Variants in RBM25 observed in about 807,000 individuals in gnomAD.
The protein encoded by RBM25 is RNA binding motif protein 25, also known as RNA-binding protein 25.
Under a neutral mutation model 120.7 loss-of-function variants are expected in RBM25, and 19 were observed. The observed-to-expected ratio is 0.16, with a 90% CI of 0.11 to 0.23. The LOEUF is 0.23. Ranked by LOEUF, RBM25 falls within the 10% of genes least tolerant of loss-of-function variation. RBM25 has a pLI of 1.00. For synonymous variants in RBM25, 390 were observed against 326.7 expected (o/e 1.19, Z -2.09); for missense variants, 605 against 1,041.5 (o/e 0.58, Z 5.77).
intron 14 of RBM25, among the ~76,000 whole-genome samples, chr14:73,110,215 C>T (rs1896281194): frequency 6.6e-6 from 1 of 150,610 alleles, no homozygotes; most frequent in African/African-American, 2.5e-5. Flanking sequence ...CAGAGTCTGG[C>T]TTTGTTGCCC....
chr14:73,076,141 T>C (rs1387591901), intron 2 of RBM25, among the ~76,000 whole-genome samples, 178 bp from the exon 3 acceptor site: 1 of 152,228 alleles, frequency 6.6e-6, no homozygotes, highest in South Asian at 2.1e-4. Flanking sequence ...TGTAAGTTTA[T>C]ATGGACCAAC....
intron 1 of RBM25, among the ~76,000 whole-genome samples, chr14:73,062,667 A>T (rs1285172410): frequency 6.6e-6 from 1 of 151,508 alleles, no homozygotes; most frequent in Non-Finnish European, 1.5e-5. Flanking sequence ...TACTAGAGAT[A>T]TGTCTTCAGG....
At position 73,112,000 on chromosome 14, in the gene RBM25, T is replaced by G. The variant is rs569243731; in HGVS notation, c.2293-152T>G. The G allele has an allele frequency of 3.0e-6, 3 of 994,816 alleles. No homozygotes were observed. In the South Asian group the frequency reaches 4.8e-5, roughly 16 times the overall value. The allele number at this position is 994,816 out of a possible 1,614,324, so 61.6% of individuals were successfully genotyped here. A position where few individuals can be genotyped will look rare whatever the true frequency, so the allele number is the denominator to read the frequency against. On this transcript the variant is annotated intron_variant, in intron 16 of 18. Transcript: ENST00000261973. The stretch of plus-strand genomic sequence containing the variant: ...TTTTTTGTGCTACTTGAAGACTTAC[T>G]AAAAGCAGATGATTGTATCTTGATA...
rs926995476 is a variant in RBM25 at position 73,120,381 on chromosome 14, G to T, written c.*576G>T. 1.3e-5 allele frequency: 2 copies of T among 152,674 alleles called. No individual in the cohort carries two copies. Among genetic ancestry groups the T allele is most frequent in the Non-Finnish European group, 2.9e-5 (2 of 68,092 alleles). The allele number at this position is 152,674 out of a possible 1,614,324, so 9.5% of individuals were successfully genotyped here. A position where few individuals can be genotyped will look rare whatever the true frequency, so the allele number is the denominator to read the frequency against. Reference sequence around the variant, plus strand: ...TCTTTCTTTTCCCTAATTTGCTTTGGTGGGGTCCTTAAAACATTTCCCAAC... The same window carrying T: ...TCTTTCTTTTCCCTAATTTGCTTTGTTGGGGTCCTTAAAACATTTCCCAAC... On this transcript the variant is annotated 3_prime_UTR_variant, in exon 19 of 19. Transcript: ENST00000261973.
chr14:73,098,183 A>G (rs1895988821), intron 7 of RBM25, among the ~76,000 whole-genome samples: 1 of 152,212 alleles, frequency 6.6e-6, no homozygotes, highest in Non-Finnish European at 1.5e-5. Context: ...AGACTGGAGG[A>G]TGGTGGCGCA....
rs755689806 is a variant in RBM25, at chr14:73,111,616, C to T, written c.2106C>T (p.Asp702=). The change falls in exon 16 of 19, where the codon GAC becomes GAT. Residue 702 remains aspartate (D), a synonymous_variant. Coordinates refer to ENST00000261973, the MANE Select transcript of RBM25 (RefSeq NM_021239.3). The part of the protein sequence containing the change: ...DSVFNKFEDE[D]SDDVPRKRKL... ...TCTTTAACAAATTTGAGGATGAAGACAGTGATGACGTACCCCGAAAAAGGA... is the reference window on the plus strand; with the variant it reads ...TCTTTAACAAATTTGAGGATGAAGATAGTGATGACGTACCCCGAAAAAGGA... 6.8e-6 allele frequency: 11 copies of T among 1,613,970 alleles called. No homozygotes were observed. The highest frequency in any genetic ancestry group is 7.6e-6 in the Non-Finnish European group (9 of 1,180,020).
At chr14:73,095,950 A>T (rs1428834105) in intron 6 of RBM25, among the ~76,000 whole-genome samples, 1 of 152,172 alleles carries the variant, frequency 6.6e-6, no homozygotes, top group East Asian at 1.9e-4. Flanking sequence ...TTCCCCACAT[A>T]GAGGGAATAA....
intron 1 of RBM25, among the ~76,000 whole-genome samples, chr14:73,068,989 C>G (rs562182377): frequency 6.6e-6 from 1 of 152,124 alleles, no homozygotes; most frequent in Non-Finnish European, 1.5e-5. Context: ...GTGCAAACTC[C>G]GCACCCTGGG....
chr14:73,111,841 A>T, intron 16 of RBM25, 39 bp downstream of exon 16: 4 of 1,530,306 alleles, frequency 2.6e-6, no homozygotes, highest in Non-Finnish European at 3.5e-6. Flanking sequence ...TATTGGGAAC[A>T]GTTGGAATAT....
rs565156726 is a variant in RBM25, at chr14:73,096,701, TAAGAAA to T, written c.544-206_544-201del. Among the ~76,000 whole-genome samples, 33 of 152,278 alleles carry T rather than the reference TAAGAAA, an allele frequency of 2.2e-4. No individual in the cohort carries two copies. In the East Asian group the frequency reaches 5.6e-3, roughly 26 times the overall value. On this transcript the variant is annotated intron_variant, in intron 6 of 18. Coordinates refer to ENST00000261973, the MANE Select transcript of RBM25 (RefSeq NM_021239.3). ...TTAGGGACCAGAATTTTTTAGCTAT[TAAGAAA>T]AAGAAAATGAAAATGAAGTAGTATC... is the stretch of plus-strand genomic sequence containing the variant.
At chr14:73,111,874 A>T in intron 16 of RBM25, 72 bp downstream of exon 16, 1 of 1,463,460 alleles carries the variant, frequency 6.8e-7, no homozygotes, top group East Asian at 2.3e-5. Flanking sequence ...CATTTGAAGA[A>T]AAAAAAACCT....
At chr14:73,087,811 T>G (rs1278085632) in intron 5 of RBM25, among the ~76,000 whole-genome samples, 190 bp from the exon 6 acceptor site, 2 of 152,230 alleles carry the variant, frequency 1.3e-5, no homozygotes, top group Non-Finnish European at 2.9e-5. Flanking sequence ...TTCCCTTTTT[T>G]TCCCCTTTGG....
At position 73,065,450 on chromosome 14, in the gene RBM25, G is replaced by A. The variant is rs1338700866; in HGVS notation, c.-15-6177G>A. The stretch of plus-strand genomic sequence containing the variant: ...GCTAATTTTTTTTTTTTTTGAAACT[G>A]AGTCTTGCTCTGTCGCCAAGGTGGA... On this transcript the variant is annotated intron_variant, in intron 1 of 18. Transcript: ENST00000261973. Among the ~76,000 whole-genome samples the A allele has an allele frequency of 2.8e-5, 4 of 140,406 alleles. No individual in the cohort carries two copies. The South Asian group carries it at 9.1e-4, about 32-fold the overall frequency. 92.1% of individuals were successfully genotyped at this position (140,406 alleles called of 152,430 possible).
At chr14:73,084,262 C>G (rs1419823853) in intron 5 of RBM25, among the ~76,000 whole-genome samples, 2 of 152,160 alleles carry the variant, frequency 1.3e-5, no homozygotes, top group Non-Finnish European at 2.9e-5. Context: ...CACATTGCAA[C>G]TAGTTGGCAA....
intron 10 of RBM25, among the ~76,000 whole-genome samples, chr14:73,105,125 A>C (rs892771326): frequency 5.8e-5 from 5 of 85,934 alleles, no homozygotes; most frequent in Non-Finnish European, 1.1e-4. Flanking sequence ...TGGTTTTATT[A>C]CTTTTTTTTT....
chr14:73,119,851 C>T lies in RBM25; in HGVS notation c.*46C>T. ...CCATTTCAGATTTCTTCTTTGCCACCCTTTTAAGGACTTTGAATTTTTCTT... is the reference window on the plus strand; with the variant it reads ...CCATTTCAGATTTCTTCTTTGCCACTCTTTTAAGGACTTTGAATTTTTCTT... On this transcript the variant is annotated 3_prime_UTR_variant, in exon 19 of 19. Coordinates refer to ENST00000261973, the MANE Select transcript of RBM25 (RefSeq NM_021239.3). The T allele has an allele frequency of 6.4e-7, 1 of 1,563,436 alleles. No individual in the cohort carries two copies. The highest frequency in any genetic ancestry group is 1.2e-5 in the South Asian group (1 of 82,794).
intron 18 of RBM25, among the ~76,000 whole-genome samples, chr14:73,115,358 T>G (rs1395836043): frequency 1.3e-5 from 2 of 152,194 alleles, no homozygotes; most frequent in African/African-American, 4.8e-5. Flanking sequence ...CCATTGTGTG[T>G]TGTTCCCCTC....
Position 73,103,298 on chromosome 14 carries a change from G to A in RBM25, c.974G>A (p.Arg325Gln), listed in dbSNP as rs928079204. The change falls in exon 10 of 19, where the codon CGG becomes CAG. Residue 325 changes from arginine to glutamine, a missense_variant. Around this residue, in one of 4 missense-constraint regions of RBM25, gnomAD observed 465 missense variants for 741.6 expected, o/e 0.63. Coordinates refer to ENST00000261973, the MANE Select transcript of RBM25 (RefSeq NM_021239.3). ...GAAAGGGAACGAGAAAGGCGAGAAC[G>A]GGAACGAGAAAGGGAAAGAGAACGT... Reference protein sequence around the residue: ...ERERERERRERERERERERER... With the variant: ...ERERERERREQERERERERER... The A allele has an allele frequency of 1.3e-6, 2 of 1,583,478 alleles. No homozygotes were observed. Among genetic ancestry groups the A allele is most frequent in the African/African-American group, 1.3e-5 (1 of 74,218 alleles).
At position 73,119,977 on chromosome 14, in the gene RBM25, T is replaced by C; in HGVS notation, c.*172T>C. 1.1e-6 allele frequency: 1 copy of C among 951,306 alleles called. No homozygotes were observed. The allele number at this position is 951,306 out of a possible 1,614,324, so 58.9% of individuals were successfully genotyped here. On this transcript the variant is annotated 3_prime_UTR_variant, in exon 19 of 19. Coordinates refer to ENST00000261973, the MANE Select transcript of RBM25 (RefSeq NM_021239.3). Reference sequence around the variant, plus strand: ...TTGTTGCCCTGTGTACTCCCTTGGTTGTAAAGTCATCTGAATCCTTGGTTC... The same window carrying C: ...TTGTTGCCCTGTGTACTCCCTTGGTCGTAAAGTCATCTGAATCCTTGGTTC...
Sources: allele counts gnomAD v4.1 joint callset (sites outside exome capture counted in the v4.1 genomes callset), GRCh38; gene constraint gnomAD v4.1.1; regional missense constraint gnomAD v4.1.1; transcripts MANE v1.5; gene names NCBI Gene and HGNC (gene_info 2026-07-23, HGNC 2026-07-21).